The following DNAI1 variants were observed in gnomAD, a reference collection of about 807,000 sequenced individuals.
DNAI1 encodes the protein dynein axonemal intermediate chain 1.
A neutral mutation model predicts 92.0 loss-of-function variants in DNAI1; 67 were observed. That is an observed-to-expected ratio of 0.73 (90% CI 0.60 to 0.89). The LOEUF is 0.89. DNAI1 is among the 40% of genes least tolerant of loss of function. The pLI is 0.00. For missense variants in DNAI1, 839 were observed against 866.6 expected (o/e 0.97, Z 0.40); for synonymous variants, 323 against 319.6 (o/e 1.01, Z -0.11).
intron 18 of DNAI1, among the ~76,000 whole-genome samples, chr9:34,516,165 G>A (rs1364420370): frequency 6.6e-6 from 1 of 152,174 alleles, no homozygotes; most frequent in Admixed American, 6.5e-5. Context: ...TGGGGCAGAT[G>A]CCCTGAGGTG....
chr9:34,493,979 T>C (rs535853597), intron 9 of DNAI1, among the ~76,000 whole-genome samples: 195 of 152,212 alleles, frequency 1.3e-3, no homozygotes, highest in African/African-American at 4.4e-3. Context: ...AGGGAGTCAC[T>C]GAAGGGAGGG....
intron 1 of DNAI1, among the ~76,000 whole-genome samples, chr9:34,469,242 C>A: frequency 6.8e-6 from 1 of 148,080 alleles, no homozygotes; most frequent in African/African-American, 2.5e-5. Context: ...CAATGTAGGC[C>A]AGAAGACAAT....
At chr9:34,491,221 C>T (rs889245665) in intron 7 of DNAI1, 1 of 534,584 alleles carries the variant, frequency 1.9e-6, no homozygotes, top group African/African-American at 1.9e-5. Context: ...GTTCATCCCC[C>T]ACTTAGACTG....
chr9:34,470,795 T>G (rs886176355), intron 1 of DNAI1, among the ~76,000 whole-genome samples: 1 of 152,208 alleles, frequency 6.6e-6, no homozygotes, highest in Non-Finnish European at 1.5e-5. Flanking sequence ...AACTGCAGAA[T>G]TTTCACAAGG....
rs149755302 is a variant in DNAI1 at position 34,497,171 on chromosome 9, C to T, written c.873C>T (p.Asn291=). The part of the protein sequence containing the change: ...QAAKIMERMV[N]QNTYDDIAQD... ...CTAAGATCATGGAGCGGATGGTCAA[C>T]CAGAATACATATGATGACATTGCTC... is the stretch of plus-strand genomic sequence containing the variant. The change falls in exon 10 of 20, where the codon AAC becomes AAT. Residue 291 remains asparagine (N), a synonymous_variant. Transcript: ENST00000242317. 2.0e-5 allele frequency: 32 copies of T among 1,613,958 alleles called. No homozygotes were observed. In the African/African-American group the frequency reaches 3.3e-4, roughly 17 times the overall value.
intron 13 of DNAI1, among the ~76,000 whole-genome samples, chr9:34,507,159 C>T (rs1824951622): frequency 6.6e-6 from 1 of 152,142 alleles, no homozygotes; most frequent in Admixed American, 6.5e-5. Flanking sequence ...ACTCAGAAGA[C>T]ATAGCTGGAA....
In DNAI1 at chr9:34,485,213, C is replaced by A. The variant is rs1587067441; in HGVS notation, c.153C>A (p.Pro51=). The change falls in exon 3 of 20, where the codon CCC becomes CCA. Residue 51 remains proline, a synonymous_variant. Transcript: ENST00000242317. ...EWAQSKATVR[P]PDQLELTDAE... ...CCCAATCCAAAGCCACAGTTAGACC[C>A]CCTGACCAGCTGGAGTTGACCGATG... is the stretch of plus-strand genomic sequence containing the variant. 3.7e-6 allele frequency: 6 copies of A among 1,614,146 alleles called. No homozygotes were observed. Among genetic ancestry groups the A allele is most frequent in the Non-Finnish European group, 5.1e-6 (6 of 1,180,024 alleles).
intron 9 of DNAI1, among the ~76,000 whole-genome samples, chr9:34,495,169 G>A (rs577188126): frequency 5.6e-4 from 85 of 152,342 alleles, no homozygotes; most frequent in African/African-American, 2.0e-3. Flanking sequence ...AGGAAAGGAG[G>A]AAAGGGCTCA....
chr9:34,503,998 G>A (rs1299382737), intron 12 of DNAI1, among the ~76,000 whole-genome samples: 1 of 152,220 alleles, frequency 6.6e-6, no homozygotes, highest in African/African-American at 2.4e-5. Flanking sequence ...ATTCATAGCA[G>A]GGAAACAGGG....
chr9:34,475,975 G>A (rs1352619055), intron 1 of DNAI1, among the ~76,000 whole-genome samples: 1 of 152,160 alleles, frequency 6.6e-6, no homozygotes, highest in African/African-American at 2.4e-5. Flanking sequence ...GCAGGTAAAT[G>A]ACCAGTAGGT....
In DNAI1 at chr9:34,497,191, T is replaced by C. The variant is rs768904080; in HGVS notation, c.893T>C (p.Ile298Thr). The change falls in exon 10 of 20, where the codon ATT becomes ACT. Residue 298 changes from isoleucine to threonine, a missense_variant. Ile to Thr is a moderately conservative substitution (Grantham distance 89). Transcript: ENST00000242317. ...RMVNQNTYDD[I>T]AQDFKYYDDA... The stretch of plus-strand genomic sequence containing the variant: ...GTCAACCAGAATACATATGATGACA[T>C]TGCTCAAGGTAAGAGTTGAAGTTCT... The C allele has an allele frequency of 1.4e-5, 22 of 1,613,506 alleles. No homozygotes were observed. The highest frequency in any genetic ancestry group is 1.8e-5 in the Non-Finnish European group (21 of 1,179,426).
chr9:34,499,514 T>C (rs1824785905), intron 10 of DNAI1, among the ~76,000 whole-genome samples: 1 of 152,086 alleles, frequency 6.6e-6, no homozygotes, highest in Non-Finnish European at 1.5e-5. Flanking sequence ...TGTGTCCTGC[T>C]CTCCAGATAT....
chr9:34,488,498 G>A (rs376151851), intron 4 of DNAI1: 20 of 153,246 alleles, frequency 1.3e-4, no homozygotes, highest in African/African-American at 3.1e-4. Context: ...TGAGTTTACC[G>A]TAGTGTGCCA....
rs752863173 is a variant in DNAI1, at chr9:34,492,493, G to GATATATATATATATATATATAT, written c.682-680_682-659dup. 4.4e-4 allele frequency among the ~76,000 whole-genome samples: 30 copies of GATATATATATATATATATATAT among 68,238 alleles called. 1 individual carries two copies. The highest frequency in any genetic ancestry group is 9.0e-4 in the South Asian group (2 of 2,220). 44.8% of individuals were successfully genotyped at this position (68,238 alleles called of 152,430 possible). ...TCCGGGGTGGGGGTGGGGATATGAA[G>GATATATATATATATATATATAT]ATATATATATATATATATATATATA... On this transcript the variant is annotated intron_variant, in intron 8 of 19. Transcript: ENST00000242317.
At chr9:34,467,426 C>T (rs1395894605) in intron 1 of DNAI1, among the ~76,000 whole-genome samples, 1 of 140,546 alleles carries the variant, frequency 7.1e-6, no homozygotes, top group Admixed American at 7.5e-5. Flanking sequence ...AGCAAGACCC[C>T]ATCTCTACAC....
intron 1 of DNAI1, among the ~76,000 whole-genome samples, chr9:34,480,443 A>G (rs1289172750): frequency 6.6e-6 from 1 of 151,410 alleles, no homozygotes; most frequent in Admixed American, 6.6e-5. Flanking sequence ...ACACCCGGCT[A>G]ATTTTTGTAT....
intron 1 of DNAI1, among the ~76,000 whole-genome samples, chr9:34,466,056 G>A (rs888066315): frequency 5.3e-5 from 8 of 152,264 alleles, no homozygotes; most frequent in Non-Finnish European, 7.4e-5. Flanking sequence ...CTCTTTAGCC[G>A]TCATCCGAGG....
chr9:34,499,495 G>A (rs551437510), intron 10 of DNAI1, among the ~76,000 whole-genome samples: 1 of 152,282 alleles, frequency 6.6e-6, no homozygotes, highest in Non-Finnish European at 1.5e-5. Context: ...GGGACCCAGA[G>A]AATATATGTG....
intron 1 of DNAI1, among the ~76,000 whole-genome samples, chr9:34,474,670 G>A (rs1368587336): frequency 6.8e-6 from 1 of 147,326 alleles, no homozygotes; most frequent in East Asian, 2.0e-4. Context: ...CCGGGTTCAA[G>A]TGATTCTCCT....
Sources: gnomAD v4.1 joint callset for allele counts (sites outside exome capture counted in the v4.1 genomes callset) on GRCh38, gnomAD v4.1.1 for gene constraint, MANE v1.5 for transcripts, NCBI Gene and HGNC (gene_info 2026-07-23, HGNC 2026-07-21) for gene names.